ABCA8: variants seen among roughly 807,000 people sequenced by gnomAD.
ABCA8 encodes the protein ABC-type organic anion transporter ABCA8.
ABCA8 carries 177 observed loss-of-function variants against 192.3 expected under a neutral mutation model. The ratio of observed to expected loss-of-function variants is 0.92; its 90% confidence interval spans 0.81 to 1.04. The LOEUF (loss-of-function observed/expected upper bound fraction) is 1.04, where lower values mean the gene tolerates loss of function less well. Among genes scored for constraint, ABCA8 ranks in the 50% least tolerant of loss-of-function variants. The pLI, the probability that ABCA8 is intolerant of heterozygous loss-of-function variation, is 0.00. For missense variants in ABCA8, 1,915 were observed against 1,904.8 expected (o/e 1.01, Z -0.10); for synonymous variants, 642 against 690.2 (o/e 0.93, Z 1.09).
At chr17:68,887,597 C>T in intron 24 of ABCA8, 91 bp from the exon 25 acceptor site, 4 of 1,094,578 alleles carry the variant, frequency 3.7e-6, no homozygotes, top group Admixed American at 2.5e-5. Context: ...TTATTTGTAA[C>T]AATTCTAGAT....
chr17:68,930,489 C>T (rs1232567285), intron 7 of ABCA8, among the ~76,000 whole-genome samples: 1 of 151,962 alleles, frequency 6.6e-6, no homozygotes, highest in African/African-American at 2.4e-5. Flanking sequence ...TCTTTGAAAA[C>T]TATAATGAAA....
At chr17:68,936,848 C>T in intron 5 of ABCA8, 103 bp downstream of exon 5, 1 of 1,017,868 alleles carries the variant, frequency 9.8e-7, no homozygotes, top group Non-Finnish European at 1.4e-6. Flanking sequence ...ATCATTATGA[C>T]AGATAGTGAT....
At chr17:68,948,403 A>G (rs2068475297) in intron 2 of ABCA8, among the ~76,000 whole-genome samples, 1 of 152,184 alleles carries the variant, frequency 6.6e-6, no homozygotes, top group African/African-American at 2.4e-5. Context: ...TCTTGTCAGC[A>G]TCTATTGTTT....
intron 5 of ABCA8, among the ~76,000 whole-genome samples, chr17:68,936,724 T>G (rs2068077342): frequency 6.6e-6 from 1 of 152,110 alleles, no homozygotes. Context: ...CATTTACATA[T>G]ATAAATATAT....
chr17:68,931,498 GTT>G (rs780565550), intron 7 of ABCA8, among the ~76,000 whole-genome samples: 1 of 151,964 alleles, frequency 6.6e-6, no homozygotes, highest in Non-Finnish European at 1.5e-5. Context: ...TTTTCTCAAA[GTT>G]TTTTTATTTA....
chr17:68,869,276 G>A (rs746376155), intron 38 of ABCA8, among the ~76,000 whole-genome samples: 4 of 152,156 alleles, frequency 2.6e-5, no homozygotes, highest in Non-Finnish European at 4.4e-5. Context: ...TGACAGATGC[G>A]AGGAGATTGT....
At chr17:68,891,165 T>C (rs890696126) in intron 24 of ABCA8, among the ~76,000 whole-genome samples, 2 of 152,222 alleles carry the variant, frequency 1.3e-5, no homozygotes, top group African/African-American at 2.4e-5. Context: ...TTATTCTTAA[T>C]TAATACAACA....
At chr17:68,950,743 A>G (rs2068546597) in intron 1 of ABCA8, among the ~76,000 whole-genome samples, 1 of 152,062 alleles carries the variant, frequency 6.6e-6, no homozygotes, top group South Asian at 2.1e-4. Context: ...TCTTGGCTGA[A>G]ATAACGAACT....
intron 17 of ABCA8, among the ~76,000 whole-genome samples, chr17:68,914,862 T>C (rs2067315633): frequency 6.7e-6 from 1 of 149,964 alleles, no homozygotes; most frequent in Non-Finnish European, 1.5e-5. Context: ...AGAACAAAAC[T>C]GAAGGAATCA....
At chr17:68,949,541 GT>G (rs2068510540) in intron 1 of ABCA8, 69 bp from the exon 2 acceptor site, 1 of 152,046 alleles carries the variant, frequency 6.6e-6, no homozygotes, top group Admixed American at 6.6e-5. Context: ...TGTGAAAATC[GT>G]CAATAAAATA....
chr17:68,909,550 G>T (rs908890076), intron 17 of ABCA8, among the ~76,000 whole-genome samples: 1 of 152,162 alleles, frequency 6.6e-6, no homozygotes, highest in Non-Finnish European at 1.5e-5. Context: ...ATGTTTCCAT[G>T]CAGTGTGCCA....
intron 16 of ABCA8, among the ~76,000 whole-genome samples, chr17:68,917,711 C>G (rs549964076): frequency 6.6e-6 from 1 of 152,250 alleles, no homozygotes; most frequent in African/African-American, 2.4e-5. Context: ...TATATTTTAA[C>G]AGATGAAACA....
intron 7 of ABCA8, 80 bp from the exon 8 acceptor site, chr17:68,929,782 C>T (rs4147976): frequency 0.56 from 700,519 of 1,247,046 alleles, 197,714 homozygotes; most frequent in South Asian, 0.61. Flanking sequence ...TAAGATAACT[C>T]TTCATTCACT....
intron 38 of ABCA8, among the ~76,000 whole-genome samples, chr17:68,868,568 G>A (rs189942634): frequency 2.6e-5 from 4 of 152,266 alleles, no homozygotes; most frequent in East Asian, 1.9e-4. Context: ...TGTATGTTGT[G>A]CAGTTTTTGC....
In ABCA8 at chr17:68,891,515, C is replaced by T; in HGVS notation, c.3118G>A (p.Ala1040Thr). Residue 1040 changes from alanine to threonine, a missense_variant, in exon 24 of 40, where the codon GCC becomes ACC. By Grantham distance (58) the Ala-to-Thr change is moderately conservative. Transcript: ENST00000586539. ...TTATAATCATCGATGCTGCTCATGG[C>T]AATGTAAGGTGGGCAACTCGATGTT... ...VLTSSCPPYI[A>T]MSSIDDYKNR... 1 of 1,612,572 alleles carries T rather than the reference C, an allele frequency of 6.2e-7. No individual in the cohort carries two copies. Among genetic ancestry groups the T allele is most frequent in the Non-Finnish European group, 8.5e-7 (1 of 1,179,360 alleles).
In ABCA8 at chr17:68,927,851, G is replaced by A. The variant is rs1176313095; in HGVS notation, c.1273+65C>T. The A allele has an allele frequency of 2.5e-6, 3 of 1,223,450 alleles. No homozygotes were observed. In the African/African-American group the frequency reaches 4.7e-5, roughly 19 times the overall value. The allele number at this position is 1,223,450 out of a possible 1,614,324, so 75.8% of individuals were successfully genotyped here. ...TAAAATATAAATAGTATATCCATTA[G>A]GAGATTTGTTTTCAGAAATAAAACT... is the stretch of plus-strand genomic sequence containing the variant. On this transcript the variant is annotated intron_variant, in intron 10 of 39. Transcript: ENST00000586539.
chr17:68,885,297 CCA>C lies in ABCA8; in HGVS notation c.3446_3447del (p.Val1149GlyfsTer11). The C allele has an allele frequency of 1.9e-6, 3 of 1,611,988 alleles. No homozygotes were observed. Among genetic ancestry groups the C allele is most frequent in the Non-Finnish European group, 2.5e-6 (3 of 1,179,120 alleles). On this transcript the variant is annotated frameshift_variant, in exon 27 of 40. Coordinates refer to ENST00000586539, the MANE Select transcript of ABCA8 (RefSeq NM_001288985.2). LOFTEE classifies it high-confidence loss of function. ...FCFYVVTVFS[V>X]AGFAFSIFES... The stretch of plus-strand genomic sequence containing the variant: ...TCGAAGATACTGAACGCAAATCCAG[CCA>C]CAGAGAATACAGTGACCTAAAAGAA...
intron 11 of ABCA8, among the ~76,000 whole-genome samples, chr17:68,923,648 T>A (rs1225638007): frequency 6.6e-6 from 1 of 152,216 alleles, no homozygotes; most frequent in African/African-American, 2.4e-5. Context: ...TGCTCTGAGC[T>A]GCTCTGCTAG....
At chr17:68,874,213 C>T (rs2066143584) in intron 37 of ABCA8, among the ~76,000 whole-genome samples, 1 of 152,186 alleles carries the variant, frequency 6.6e-6, no homozygotes, top group Non-Finnish European at 1.5e-5. Context: ...CATCCTTCAA[C>T]AAGGAATTTA....
Sources: gnomAD v4.1 joint callset for allele counts (sites outside exome capture counted in the v4.1 genomes callset) on GRCh38, gnomAD v4.1.1 for gene constraint, MANE v1.5 for transcripts, NCBI Gene and HGNC (gene_info 2026-07-23, HGNC 2026-07-21) for gene names.